SDK1: variants seen among roughly 807,000 people sequenced by gnomAD.
The protein encoded by SDK1 is sidekick cell adhesion molecule 1, also known as protein sidekick-1.
SDK1 carries 157 observed loss-of-function variants against 245.5 expected under a neutral mutation model. The observed-to-expected ratio is 0.64, with a 90% confidence interval of 0.56 to 0.73. The LOEUF (loss-of-function observed/expected upper bound fraction) is 0.73, where lower values mean the gene tolerates loss of function less well. Among genes scored for constraint, SDK1 ranks in the 30% least tolerant of loss-of-function variants. The pLI is 0.00. For synonymous variants in SDK1, 1,647 were observed against 1,278.5 expected (o/e 1.29, Z -6.15); for missense variants, 3,583 against 3,002.3 (o/e 1.19, Z -4.52).
intron 1 of SDK1, among the ~76,000 whole-genome samples, chr7:3,419,561 A>G (rs1779479146): frequency 1.3e-5 from 2 of 152,152 alleles, no homozygotes; most frequent in Admixed American, 1.3e-4. Flanking sequence ...TCTGTTCTGT[A>G]GGATTCTTCT....
chr7:4,260,426 A>G (rs1231252171), intron 44 of SDK1, among the ~76,000 whole-genome samples: 3 of 130,714 alleles, frequency 2.3e-5, no homozygotes, highest in Admixed American at 1.6e-4. Context: ...AGTTGTGTTC[A>G]TCGTCACCTG....
intron 5 of SDK1, among the ~76,000 whole-genome samples, chr7:3,906,930 T>C (rs1295708065): frequency 6.6e-6 from 1 of 152,126 alleles, no homozygotes; most frequent in Non-Finnish European, 1.5e-5. Context: ...GTACCCTGCC[T>C]CTGTGTCTTT....
chr7:4,017,921 T>C (rs1246386275), intron 17 of SDK1, among the ~76,000 whole-genome samples: 1 of 152,156 alleles, frequency 6.6e-6, no homozygotes, highest in African/African-American at 2.4e-5. Flanking sequence ...TTCTTAAATA[T>C]CCGTGGTGAG....
intron 20 of SDK1, among the ~76,000 whole-genome samples, chr7:4,070,675 C>T (rs896098112): frequency 1.3e-5 from 2 of 152,212 alleles, no homozygotes; most frequent in African/African-American, 4.8e-5. Context: ...ACAGCCCATA[C>T]ACAAGGTCAC....
chr7:4,118,927 C>A (rs568325314), intron 25 of SDK1, among the ~76,000 whole-genome samples: 1 of 148,376 alleles, frequency 6.7e-6, no homozygotes. Context: ...TAAGAGAGAG[C>A]ATTTGAGAGG....
intron 4 of SDK1, among the ~76,000 whole-genome samples, chr7:3,758,994 A>G (rs1780018190): frequency 6.6e-6 from 1 of 152,070 alleles, no homozygotes; most frequent in Non-Finnish European, 1.5e-5. Context: ...CTTGTAATTT[A>G]TTTCTCTGAC....
At chr7:3,886,051 C>T (rs1781331661) in intron 5 of SDK1, among the ~76,000 whole-genome samples, 1 of 152,134 alleles carries the variant, frequency 6.6e-6, no homozygotes, top group East Asian at 1.9e-4. Context: ...GGGAAGGCAG[C>T]AGATCGGAGG....
At chr7:3,351,754 T>C (rs371848391) in intron 1 of SDK1, among the ~76,000 whole-genome samples, 113 of 152,200 alleles carry the variant, frequency 7.4e-4, no homozygotes, top group Admixed American at 2.2e-3. Context: ...AGCAAAAATA[T>C]ACAGAAACAA....
At chr7:3,409,360 AT>A (rs1779138766) in intron 1 of SDK1, among the ~76,000 whole-genome samples, 1 of 151,230 alleles carries the variant, frequency 6.6e-6, no homozygotes, top group Non-Finnish European at 1.5e-5. Context: ...TAACCTGAGA[AT>A]GGATTACAAT....
chr7:4,162,363 GTTGTTGTTATTA>G (rs985220952), intron 32 of SDK1, among the ~76,000 whole-genome samples: 7 of 116,336 alleles, frequency 6.0e-5, no homozygotes, highest in African/African-American at 2.1e-4. Context: ...GGTGGTTGTT[GTTGTTGTTATTA>G]TTATTATTAT....
At chr7:4,132,528 C>T in intron 28 of SDK1, 105 bp downstream of exon 28, 1 of 729,240 alleles carries the variant, frequency 1.4e-6, no homozygotes, top group South Asian at 1.6e-5. Flanking sequence ...TCAAGACCAG[C>T]CTGGGCAACA....
chr7:3,517,931 A>G (rs892607612), intron 1 of SDK1, among the ~76,000 whole-genome samples: 1 of 152,080 alleles, frequency 6.6e-6, no homozygotes, highest in Admixed American at 6.6e-5. Context: ...TCTCAGTTTA[A>G]TGGTAATTCA....
At chr7:4,138,670 C>T (rs1779254763) in intron 28 of SDK1, among the ~76,000 whole-genome samples, 1 of 151,000 alleles carries the variant, frequency 6.6e-6, no homozygotes, top group African/African-American at 2.4e-5. Context: ...GCATTTGAAC[C>T]TGGGAGGCAG....
At chr7:3,605,902 T>C (rs1345750358) in intron 1 of SDK1, among the ~76,000 whole-genome samples, 3 of 152,206 alleles carry the variant, frequency 2.0e-5, no homozygotes, top group Non-Finnish European at 4.4e-5. Flanking sequence ...GTTTTTTTTT[T>C]AATTGATGAT....
intron 1 of SDK1, among the ~76,000 whole-genome samples, chr7:3,384,233 G>A (rs887014694): frequency 6.6e-6 from 1 of 152,066 alleles, no homozygotes; most frequent in African/African-American, 2.4e-5. Flanking sequence ...TGATCTTCCA[G>A]TATTTTTTAT....
chr7:4,188,447 G>A (rs1171166104), intron 35 of SDK1, among the ~76,000 whole-genome samples: 3 of 152,020 alleles, frequency 2.0e-5, no homozygotes, highest in African/African-American at 4.8e-5. Flanking sequence ...TATTTTAATG[G>A]GTCTTAGTGT....
chr7:3,884,048 GTTTGTTTGTTTGTTT>G (rs1205685426), intron 5 of SDK1, among the ~76,000 whole-genome samples: 7 of 136,830 alleles, frequency 5.1e-5, no homozygotes, highest in Non-Finnish European at 1.1e-4. Flanking sequence ...TTGGTTTTTT[GTTTGTTTGTTTGTTT>G]TTTGTTTGTT....
intron 4 of SDK1, among the ~76,000 whole-genome samples, chr7:3,768,827 C>T (rs951955534): frequency 6.6e-6 from 1 of 152,204 alleles, no homozygotes; most frequent in Admixed American, 6.5e-5. Context: ...CTCCATGACC[C>T]AAATTGTCAT....
chr7:4,031,059 A>G (rs146549593), intron 17 of SDK1, among the ~76,000 whole-genome samples: 1 of 152,350 alleles, frequency 6.6e-6, no homozygotes, highest in Non-Finnish European at 1.5e-5. Context: ...ATACATGTAT[A>G]CATACACATC....
Sources: allele counts gnomAD v4.1 joint callset (sites outside exome capture counted in the v4.1 genomes callset), GRCh38; gene constraint gnomAD v4.1.1; transcripts MANE v1.5; gene names NCBI Gene and HGNC (gene_info 2026-07-23, HGNC 2026-07-21).